NDUFAF6: variants seen among roughly 807,000 people sequenced by gnomAD.
NDUFAF6 encodes NADH:ubiquinone oxidoreductase complex assembly factor 6, also known as NADH dehydrogenase (ubiquinone) complex I, assembly factor 6.
A neutral mutation model predicts 40.8 loss-of-function variants in NDUFAF6; 45 were observed. That is an observed-to-expected ratio of 1.10 (90% confidence interval 0.87 to 1.42). The LOEUF (loss-of-function observed/expected upper bound fraction) is 1.42. Ranked by LOEUF, NDUFAF6 falls within the 40% of genes most tolerant of loss-of-function variation. The pLI is 0.00. For synonymous variants in NDUFAF6, 185 were observed against 155.9 expected (o/e 1.19, Z -1.39); for missense variants, 435 against 418.5 (o/e 1.04, Z -0.34).
At chr8:95,063,236 T>G (rs547354725), downstream of NDUFAF6, among the ~76,000 whole-genome samples, 1 of 152,358 alleles carries the variant, frequency 6.6e-6, no homozygotes, top group African/African-American at 2.4e-5. Flanking sequence ...AGCAGTGCCT[T>G]TTGAATCAGA....
chr8:94,974,260 A>C (rs113627127), intron 1 of NDUFAF6, among the ~76,000 whole-genome samples: 1 of 151,654 alleles, frequency 6.6e-6, no homozygotes. Context: ...GAAAAAAAAA[A>C]ACCACAGTAA....
At chr8:94,925,188 A>G (rs1563713826) in intron 1 of NDUFAF6, among the ~76,000 whole-genome samples, 1 of 152,224 alleles carries the variant, frequency 6.6e-6, no homozygotes, top group African/African-American at 2.4e-5. Flanking sequence ...GACTTTAAAT[A>G]AGCTACAGTT....
At chr8:95,115,663 C>G (rs988301151) in exon 5 of NDUFAF6, 1 of 152,108 alleles carries the variant, frequency 6.6e-6, no homozygotes, top group Non-Finnish European at 1.5e-5. Flanking sequence ...TTGACTCAGT[C>G]GAGGCTTTTC....
chr8:95,043,394 G>T (rs547590737), intron 4 of NDUFAF6, among the ~76,000 whole-genome samples: 1 of 152,034 alleles, frequency 6.6e-6, no homozygotes, highest in African/African-American at 2.4e-5. Context: ...CTAGGCAGTG[G>T]TTTTTTAGAT....
At chr8:95,006,124 G>A (rs192085213) in intron 2 of NDUFAF6, among the ~76,000 whole-genome samples, 451 of 152,060 alleles carry the variant, frequency 3.0e-3, no homozygotes, top group Non-Finnish European at 4.3e-3. Flanking sequence ...TTGGGAGGCC[G>A]AGGTGGGCAG....
At chr8:94,977,985 C>T (rs953003126) in intron 1 of NDUFAF6, among the ~76,000 whole-genome samples, 13 of 152,218 alleles carry the variant, frequency 8.5e-5, no homozygotes, top group Admixed American at 5.9e-4. Flanking sequence ...CTAGGTACAT[C>T]GTTTGTTCTA....
intron 2 of NDUFAF6, among the ~76,000 whole-genome samples, chr8:95,003,059 A>C (rs1826806920): frequency 6.6e-6 from 1 of 152,226 alleles, no homozygotes; most frequent in Non-Finnish European, 1.5e-5. Context: ...CTGAGAAGAG[A>C]TGCTTGTAGG....
At chr8:94,967,931 ACT>A (rs1043458353) in intron 1 of NDUFAF6, among the ~76,000 whole-genome samples, 6 of 115,590 alleles carry the variant, frequency 5.2e-5, no homozygotes, top group African/African-American at 1.8e-4. Flanking sequence ...ACAGAGCGAG[ACT>A]CTGTCTCAAA....
intron 3 of NDUFAF6, among the ~76,000 whole-genome samples, chr8:95,041,180 G>A (rs1026873693): frequency 6.6e-6 from 1 of 152,074 alleles, no homozygotes. Flanking sequence ...GAACACAGAA[G>A]TTCAAGACCA....
Position 95,027,955 on chromosome 8 carries a change from C to T in NDUFAF6, c.197+2750C>T, listed in dbSNP as rs74879289. 3.9e-3 allele frequency among the ~76,000 whole-genome samples: 591 copies of T among 152,292 alleles called. 2 individuals carry two copies. Among genetic ancestry groups the T allele is most frequent in the African/African-American group, 0.013 (555 of 41,550 alleles). ...CAAACCTAATTTACATAGGCTTCTC[C>T]GACTTTGGCTTTGAGGAGGATAAAC... On this transcript the variant is annotated intron_variant, in intron 1 of 8. Transcript: ENST00000396124.
At chr8:95,037,769 A>G (rs991760658) in intron 3 of NDUFAF6, among the ~76,000 whole-genome samples, 1 of 152,192 alleles carries the variant, frequency 6.6e-6, no homozygotes, top group Non-Finnish European at 1.5e-5. Flanking sequence ...ATGTTTCACT[A>G]CTATGTTTAT....
intron 1 of NDUFAF6, among the ~76,000 whole-genome samples, chr8:94,904,357 T>TA (rs1818251072): frequency 8.6e-6 from 1 of 116,170 alleles, no homozygotes. Flanking sequence ...TTTTTTTTTT[T>TA]AGTAAAGACA....
intron 1 of NDUFAF6, among the ~76,000 whole-genome samples, chr8:94,980,441 TG>T (rs375116281): frequency 3.1e-4 from 45 of 143,214 alleles, no homozygotes; most frequent in African/African-American, 1.0e-3. Context: ...GTGGTTTTTT[TG>T]TTTTTTTTTT....
At chr8:94,961,920 G>A (rs1823609539) in intron 1 of NDUFAF6, among the ~76,000 whole-genome samples, 1 of 152,180 alleles carries the variant, frequency 6.6e-6, no homozygotes, top group South Asian at 2.1e-4. Context: ...TTGTATCACA[G>A]ATTGCCAGGG....
At chr8:95,013,720 A>G (rs917836373) in intron 2 of NDUFAF6, among the ~76,000 whole-genome samples, 2 of 152,192 alleles carry the variant, frequency 1.3e-5, no homozygotes, top group African/African-American at 4.8e-5. Flanking sequence ...AGTATATAAT[A>G]TGTCAGATGG....
At chr8:95,012,643 A>AAAATAAATAAATAAAT (rs61552543) in intron 2 of NDUFAF6, among the ~76,000 whole-genome samples, 2,309 of 147,358 alleles carry the variant, frequency 0.016, 54 homozygotes, top group African/African-American at 0.049. Context: ...CTCTGTCTCT[A>AAAATAAATAAATAAAT]AAATAAATAA....
intron 2 of NDUFAF6, among the ~76,000 whole-genome samples, chr8:95,085,172 G>A (rs2132056407): frequency 6.6e-6 from 1 of 152,304 alleles, no homozygotes; most frequent in East Asian, 1.9e-4. Context: ...TCAAGGATAG[G>A]CCCTAACAGG....
At chr8:94,961,144 A>G (rs1823538142) in intron 1 of NDUFAF6, among the ~76,000 whole-genome samples, 1 of 152,198 alleles carries the variant, frequency 6.6e-6, no homozygotes. Context: ...CCAATTAGAA[A>G]ATTTTTTCTC....
At chr8:94,968,539 C>T (rs1235569164) in intron 1 of NDUFAF6, among the ~76,000 whole-genome samples, 1 of 152,158 alleles carries the variant, frequency 6.6e-6, no homozygotes, top group African/African-American at 2.4e-5. Context: ...CAGGAGCATG[C>T]TTGGTGTCTT....
Sources: gnomAD v4.1 joint callset for allele counts (sites outside exome capture counted in the v4.1 genomes callset) on GRCh38, gnomAD v4.1.1 for gene constraint, MANE v1.5 for transcripts, NCBI Gene and HGNC (gene_info 2026-07-23, HGNC 2026-07-21) for gene names.